BIN2: variants seen among roughly 807,000 people sequenced by gnomAD.
The protein encoded by BIN2 is bridging integrator 2, also known as breast cancer associated protein BRAP1.
BIN2 carries 43 observed loss-of-function variants against 67.9 expected under a neutral mutation model. The ratio of observed to expected loss-of-function variants is 0.63; its 90% CI spans 0.50 to 0.82. The LOEUF (loss-of-function observed/expected upper bound fraction) is 0.82, where lower values mean the gene tolerates loss of function less well. BIN2 is among the 40% of genes least tolerant of loss of function. BIN2 has a pLI of 0.00. For missense variants in BIN2, 581 were observed against 671.6 expected, an observed-to-expected ratio of 0.87 and a Z score of 1.49; for synonymous variants, 244 against 246.8, an observed-to-expected ratio of 0.99 and a Z score of 0.11.
chr12:51,290,330 G>C (rs1445107936), intron 10 of BIN2, among the ~76,000 whole-genome samples: 1 of 151,226 alleles, frequency 6.6e-6, no homozygotes, highest in East Asian at 2.0e-4. Flanking sequence ...TCACCATGTT[G>C]GTTGGCCAGG....
chr12:51,295,653 T>A, intron 9 of BIN2, 143 bp downstream of exon 9: 2 of 293,586 alleles, frequency 6.8e-6, no homozygotes, highest in Non-Finnish European at 1.3e-5. Flanking sequence ...CAAAATAATT[T>A]ATATAGGAGC....
chr12:51,324,399 T>C (rs1946378168), upstream of BIN2: 2 of 1,355,292 alleles, frequency 1.5e-6, no homozygotes, highest in East Asian at 5.4e-5. Flanking sequence ...TCCTCAGTGG[T>C]GGGCCCACAC....
intron 12 of BIN2, among the ~76,000 whole-genome samples, chr12:51,282,832 G>C (rs555452611): frequency 6.6e-6 from 1 of 151,946 alleles, no homozygotes; most frequent in South Asian, 2.1e-4. Context: ...TTGAACTCCT[G>C]GTCTCAAGTG....
chr12:51,285,103 A>G (rs902374662), intron 11 of BIN2, among the ~76,000 whole-genome samples: 2 of 152,152 alleles, frequency 1.3e-5, no homozygotes, highest in African/African-American at 4.8e-5. Flanking sequence ...ATGTGTATCT[A>G]TAAGGGAGTG....
chr12:51,313,661 C>T (rs540547695), intron 2 of BIN2, among the ~76,000 whole-genome samples, 162 bp downstream of exon 2: 32 of 152,160 alleles, frequency 2.1e-4, no homozygotes, highest in African/African-American at 6.0e-4. Flanking sequence ...TTTAGTTCAC[C>T]GAGGAAGGAT....
chr12:51,313,704 A>C, intron 2 of BIN2, 119 bp downstream of exon 2: 1 of 897,098 alleles, frequency 1.1e-6, no homozygotes, highest in Non-Finnish European at 1.8e-6. Context: ...CCTTAACCCT[A>C]GGGGGAGGGT....
intron 1 of BIN2, among the ~76,000 whole-genome samples, chr12:51,317,341 G>C (rs115808040): frequency 0.021 from 3,184 of 152,272 alleles, 101 homozygotes; most frequent in African/African-American, 0.073. Flanking sequence ...GACTGAATGA[G>C]TGGAGCCTTG....
chr12:51,299,139 C>T, intron 7 of BIN2, 64 bp downstream of exon 7: 1 of 1,140,848 alleles, frequency 8.8e-7, no homozygotes, highest in Non-Finnish European at 1.3e-6. Flanking sequence ...TATCTACTTA[C>T]TGTCAAGGCA....
At position 51,290,523 on chromosome 12, in the gene BIN2, C is replaced by A. The variant is rs1003689605; in HGVS notation, c.1515+1068G>T. On this transcript the variant is annotated intron_variant, in intron 10 of 12. Transcript: ENST00000615107. ...GCTCATTAACACTACTAGAGATAAG[C>A]CCCTTATAGAAGTCAATTACTGGCT... Among the ~76,000 whole-genome samples the A allele has an allele frequency of 2.3e-4, 35 of 152,178 alleles. 1 individual carries two copies. Among genetic ancestry groups the A allele is most frequent in the Admixed American group, 7.2e-4 (11 of 15,270 alleles).
chr12:51,289,235 T>G (rs1320459620), intron 10 of BIN2, among the ~76,000 whole-genome samples: 2 of 151,910 alleles, frequency 1.3e-5, no homozygotes, highest in Non-Finnish European at 2.9e-5. Flanking sequence ...AAAAAGTCTT[T>G]ATATGTAGTT....
intron 11 of BIN2, among the ~76,000 whole-genome samples, chr12:51,285,383 T>C (rs567474168): frequency 1.3e-5 from 2 of 152,026 alleles, no homozygotes; most frequent in Admixed American, 1.3e-4. Flanking sequence ...AGTATCAAGG[T>C]TGCAGTGCAC....
intron 7 of BIN2, among the ~76,000 whole-genome samples, chr12:51,298,827 G>C (rs1252083373): frequency 6.6e-6 from 1 of 152,092 alleles, no homozygotes; most frequent in South Asian, 2.1e-4. Context: ...CCAGAACTTT[G>C]GGAGGCCAAG....
chr12:51,307,578 A>G (rs1054556509), intron 2 of BIN2, among the ~76,000 whole-genome samples: 4 of 151,702 alleles, frequency 2.6e-5, no homozygotes, highest in Admixed American at 6.6e-5. Context: ...GTGTGGTAGT[A>G]TACGCCTGTA....
At chr12:51,321,349 G>A (rs1282562603) in intron 1 of BIN2, among the ~76,000 whole-genome samples, 1 of 151,914 alleles carries the variant, frequency 6.6e-6, no homozygotes, top group Non-Finnish European at 1.5e-5. Context: ...AATAGATGAA[G>A]GGAGATGACA....
At position 51,297,069 on chromosome 12, in the gene BIN2, A is replaced by G. The variant is rs1470254939; in HGVS notation, c.678+20T>C. 2 of 1,603,798 alleles carry G rather than the reference A, an allele frequency of 1.2e-6. No homozygotes were observed. The highest frequency in any genetic ancestry group is 1.3e-5 in the African/African-American group (1 of 74,740). ...CTAGAAAACACACCTAGGAGCCTCA[A>G]TTGGCCAGACACCTCTCACCTTGCT... On this transcript the variant is annotated intron_variant, in intron 8 of 12. Transcript: ENST00000615107.
At chr12:51,295,655 T>G (rs569528682) in intron 9 of BIN2, 141 bp downstream of exon 9, 3 of 315,000 alleles carry the variant, frequency 9.5e-6, no homozygotes, top group South Asian at 8.0e-5. Flanking sequence ...AAATAATTTA[T>G]ATAGGAGCAT....
chr12:51,291,172 CA>C (rs1327769844), intron 10 of BIN2, among the ~76,000 whole-genome samples: 5 of 151,162 alleles, frequency 3.3e-5, no homozygotes, highest in African/African-American at 1.2e-4. Context: ...AACAAACAAA[CA>C]AAAAAAAGTC....
intron 7 of BIN2, 46 bp downstream of exon 7, chr12:51,299,157 T>G: frequency 7.3e-7 from 1 of 1,361,742 alleles, no homozygotes; most frequent in Non-Finnish European, 1.0e-6. Context: ...GCACACAAGG[T>G]GCCTTGTGTG....
At chr12:51,312,949 T>C (rs1001192913) in intron 2 of BIN2, among the ~76,000 whole-genome samples, 4 of 152,094 alleles carry the variant, frequency 2.6e-5, no homozygotes, top group East Asian at 1.9e-4. Context: ...AAAGAATTTG[T>C]GGGCCAGGTG....
Sources: gnomAD v4.1 joint callset for allele counts (sites outside exome capture counted in the v4.1 genomes callset) on GRCh38, gnomAD v4.1.1 for gene constraint, MANE v1.5 for transcripts, NCBI Gene and HGNC (gene_info 2026-07-23, HGNC 2026-07-21) for gene names.